The following PDE8A variants were observed in gnomAD, a reference collection of about 807,000 sequenced individuals.
PDE8A encodes high affinity cAMP-specific and IBMX-insensitive 3',5'-cyclic phosphodiesterase 8A.
In PDE8A, 59 loss-of-function variants were observed where a neutral mutation model predicts 105.0. The observed-to-expected ratio is 0.56, with a 90% CI of 0.46 to 0.70. PDE8A has a LOEUF of 0.70. Among genes scored for constraint, PDE8A ranks in the 30% least tolerant of loss-of-function variants. PDE8A has a pLI of 0.00. For missense variants in PDE8A, 1,014 were observed against 1,045.9 expected, an observed-to-expected ratio of 0.97 and a Z score of 0.42; for synonymous variants, 355 against 371.9, an observed-to-expected ratio of 0.95 and a Z score of 0.52.
At chr15:85,120,699 T>G in intron 17 of PDE8A, 98 bp from the exon 18 acceptor site, 1 of 736,106 alleles carries the variant, frequency 1.4e-6, no homozygotes, top group South Asian at 1.9e-5. Context: ...ATCTGAAATA[T>G]TCTTACCTGA....
At chr15:85,052,873 G>A (rs2080999053) in intron 1 of PDE8A, among the ~76,000 whole-genome samples, 1 of 152,138 alleles carries the variant, frequency 6.6e-6, no homozygotes, top group South Asian at 2.1e-4. Context: ...ATTGCTTTTG[G>A]TATTTTAGTC....
Position 85,117,502 on chromosome 15 carries a change from A to G in PDE8A, c.1536-139A>G. On this transcript the variant is annotated intron_variant, in intron 16 of 21. Transcript: ENST00000394553. ...CCAGAGTTGGTTGGCCCCACCAGAG[A>G]GAGGCCAGCACAGCCCAAGCAATCT... is the stretch of plus-strand genomic sequence containing the variant. The G allele has an allele frequency of 5.7e-6, 4 of 706,684 alleles. No homozygotes were observed. The South Asian group carries it at 6.9e-5, about 12-fold the overall frequency. The allele number at this position is 706,684 out of a possible 1,614,324, so 43.8% of individuals were successfully genotyped here.
chr15:85,123,015 C>G (rs1305388080), intron 18 of PDE8A, 46 bp from the exon 19 acceptor site: 1 of 1,603,272 alleles, frequency 6.2e-7, no homozygotes, highest in Non-Finnish European at 8.5e-7. Flanking sequence ...CCTGTCTGGT[C>G]TGGATCAGTA....
chr15:84,986,413 T>G (rs966857859), intron 1 of PDE8A, among the ~76,000 whole-genome samples: 13 of 152,192 alleles, frequency 8.5e-5, no homozygotes, highest in African/African-American at 3.1e-4. Flanking sequence ...CAACCTCTTT[T>G]CTCTTACTTT....
intron 1 of PDE8A, among the ~76,000 whole-genome samples, chr15:85,034,044 T>A (rs1427881492): frequency 6.6e-6 from 1 of 152,092 alleles, no homozygotes; most frequent in African/African-American, 2.4e-5. Flanking sequence ...CCTTGCAACA[T>A]CTCCCAGTAG....
chr15:85,010,111 G>C (rs1456594187), intron 1 of PDE8A, among the ~76,000 whole-genome samples: 1 of 152,184 alleles, frequency 6.6e-6, no homozygotes, highest in Non-Finnish European at 1.5e-5. Context: ...GCTCACCTTT[G>C]AGGAAGGGGA....
At chr15:85,073,788 T>C (rs2081345394) in intron 3 of PDE8A, among the ~76,000 whole-genome samples, 1 of 152,178 alleles carries the variant, frequency 6.6e-6, no homozygotes, top group South Asian at 2.1e-4. Context: ...GTGTGATGAG[T>C]GCACTAGCTG....
rs753388144 is a variant in PDE8A, at chr15:85,109,100, G to A, written c.1084G>A (p.Val362Ile). 37 of 1,611,626 alleles carry A rather than the reference G, an allele frequency of 2.3e-5. No individual in the cohort carries two copies. Among genetic ancestry groups the A allele is most frequent in the South Asian group, 1.4e-4 (13 of 90,758 alleles). ...AGACAGGAGAAAAGGCTCACTAGAC[G>A]TCAAAGCTGTTGCCTCCCGTGCAAC... is the stretch of plus-strand genomic sequence containing the variant. ...HKDRRKGSLD[V>I]KAVASRATEV... The change falls in exon 12 of 22, where the codon GTC becomes ATC. Residue 362 changes from valine to isoleucine, a missense_variant. Coordinates refer to ENST00000394553, the MANE Select transcript of PDE8A (RefSeq NM_002605.3).
intron 20 of PDE8A, among the ~76,000 whole-genome samples, chr15:85,133,050 GTC>G (rs1205447748): frequency 2.0e-5 from 3 of 152,156 alleles, no homozygotes; most frequent in Non-Finnish European, 4.4e-5. Context: ...TTTGAAAACT[GTC>G]TCTCAGCCTT....
At chr15:84,988,073 T>C (rs2079832065) in intron 1 of PDE8A, among the ~76,000 whole-genome samples, 2 of 152,206 alleles carry the variant, frequency 1.3e-5, no homozygotes, top group Non-Finnish European at 2.9e-5. Context: ...GCAAGCACCA[T>C]GTTAGATGCT....
chr15:85,024,891 C>T (rs2080488599), intron 1 of PDE8A, among the ~76,000 whole-genome samples: 1 of 152,182 alleles, frequency 6.6e-6, no homozygotes, highest in Non-Finnish European at 1.5e-5. Flanking sequence ...GCGGCTTTAG[C>T]TTACCAATGC....
chr15:85,132,148 T>A (rs2082338594), intron 20 of PDE8A, among the ~76,000 whole-genome samples: 4 of 152,160 alleles, frequency 2.6e-5, no homozygotes, highest in Admixed American at 2.6e-4. Context: ...TTGGCCAAGA[T>A]TTTTTCAAAT....
chr15:85,121,106 C>A (rs1443885848), intron 18 of PDE8A, 92 bp downstream of exon 18: 1 of 809,724 alleles, frequency 1.2e-6, no homozygotes, highest in Non-Finnish European at 1.9e-6. Context: ...ACAGTTCACC[C>A]ATTTAAAGTG....
intron 1 of PDE8A, among the ~76,000 whole-genome samples, chr15:85,024,091 T>C (rs184157967): frequency 6.6e-6 from 1 of 152,198 alleles, no homozygotes; most frequent in African/African-American, 2.4e-5. Flanking sequence ...CTTCTCTACC[T>C]GGCTAACTCC....
chr15:85,112,762 T>C (rs1019829083), intron 12 of PDE8A, among the ~76,000 whole-genome samples: 4 of 152,186 alleles, frequency 2.6e-5, no homozygotes, highest in Admixed American at 6.5e-5. Flanking sequence ...TCTGCCTATA[T>C]TGCCTGGGCT....
intron 1 of PDE8A, among the ~76,000 whole-genome samples, chr15:85,023,211 G>A (rs1005676522): frequency 6.6e-6 from 1 of 152,192 alleles, no homozygotes; most frequent in Non-Finnish European, 1.5e-5. Context: ...TCTTGAGGAC[G>A]TCGCTGAATA....
At position 85,048,868 on chromosome 15, in the gene PDE8A, A is replaced by G. The variant is rs552330638; in HGVS notation, c.187-15502A>G. 9.2e-5 allele frequency among the ~76,000 whole-genome samples: 14 copies of G among 152,366 alleles called. No homozygotes were observed. In the South Asian group the frequency reaches 2.9e-3, roughly 32 times the overall value. On this transcript the variant is annotated intron_variant, in intron 1 of 21. Coordinates refer to ENST00000394553, the MANE Select transcript of PDE8A (RefSeq NM_002605.3). ...ATAATTCCAGTACTTTGGGAGGCCAAGGCAGACAGATCACTTGAGGTCAGG... is the reference window on the plus strand; with the variant it reads ...ATAATTCCAGTACTTTGGGAGGCCAGGGCAGACAGATCACTTGAGGTCAGG...
intron 1 of PDE8A, among the ~76,000 whole-genome samples, chr15:85,024,308 A>G (rs1380694291): frequency 6.6e-6 from 1 of 152,230 alleles, no homozygotes; most frequent in Non-Finnish European, 1.5e-5. Context: ...TCCCTGGCAC[A>G]GTACCTGGCA....
At chr15:85,119,535 AT>A (rs1246277701) in intron 17 of PDE8A, among the ~76,000 whole-genome samples, 1 of 149,506 alleles carries the variant, frequency 6.7e-6, no homozygotes, top group Non-Finnish European at 1.5e-5. Flanking sequence ...TAAAATTTAA[AT>A]TATTGAATTT....
Sources: gnomAD v4.1 joint callset for allele counts (sites outside exome capture counted in the v4.1 genomes callset) on GRCh38, gnomAD v4.1.1 for gene constraint, MANE v1.5 for transcripts, NCBI Gene and HGNC (gene_info 2026-07-23, HGNC 2026-07-21) for gene names.